Variants in KCNQ1OT1 observed in about 807,000 individuals in gnomAD.
KCNQ1OT1 encodes KCNQ1 opposite strand/antisense transcript 1, also known as KCNQ1 antisense RNA 2 (non-protein coding).
rs1850518689 is a variant in KCNQ1OT1, at chr11:2,687,924, G to C, written n.12071C>G. On this transcript the variant is annotated non_coding_transcript_exon_variant, in exon 1 of 1. Transcript: ENST00000597346. This position sits in a 1 kb window ranked among gnomAD's most constrained non-coding sequence, Gnocchi z 5.0. ...GATGGAAAATCCCCAGCAGTTGTGA[G>C]GCTGCACTTCTCCCACCCGCTGTGG... The C allele has an allele frequency of 2.5e-6, 1 of 398,684 alleles. No homozygotes were observed. Among genetic ancestry groups the C allele is most frequent in the Non-Finnish European group, 4.4e-6 (1 of 226,186 alleles). 24.7% of individuals were successfully genotyped at this position (398,684 alleles called of 1,614,324 possible).
rs1849610193 is a variant in KCNQ1OT1 at position 2,643,420 on chromosome 11, C to G, written n.56575G>C. 5 of 398,358 alleles carry G rather than the reference C, an allele frequency of 1.3e-5. No individual in the cohort carries two copies. The East Asian group carries it at 1.8e-4, about 14-fold the overall frequency. 24.7% of individuals were successfully genotyped at this position (398,358 alleles called of 1,614,324 possible). A position where few individuals can be genotyped will look rare whatever the true frequency, so the allele number is the denominator to read the frequency against. On this transcript the variant is annotated non_coding_transcript_exon_variant, in exon 1 of 1. Coordinates refer to ENST00000597346, the Ensembl canonical transcript of KCNQ1OT1. The stretch of plus-strand genomic sequence containing the variant: ...CTGTCACTATATAATGACTTCGTCT[C>G]TTTTTAGTGTTTTTAGCTTAACCTT...
exon 1 of KCNQ1OT1, chr11:2,650,014 A>G: frequency 2.5e-6 from 1 of 398,392 alleles, no homozygotes. Context: ...TGTCTGGTTT[A>G]TTGCAAAACA....
chr11:2,673,709 C>A lies in KCNQ1OT1; in HGVS notation n.26286G>T, dbSNP rs1850231494. On this transcript the variant is annotated non_coding_transcript_exon_variant, in exon 1 of 1. Transcript: ENST00000597346. This position sits in a 1 kb window ranked among gnomAD's most constrained non-coding sequence, Gnocchi z 4.5. Reference sequence around the variant, plus strand: ...TGTTTAATTCCTGAGGTTGCTGAATCTCAGGGCTTGGAAGGCCCAGACTGG... The same window carrying A: ...TGTTTAATTCCTGAGGTTGCTGAATATCAGGGCTTGGAAGGCCCAGACTGG... 1 of 398,634 alleles carries A rather than the reference C, an allele frequency of 2.5e-6. No homozygotes were observed. The allele number at this position is 398,634 out of a possible 1,614,324, so 24.7% of individuals were successfully genotyped here.
At position 2,619,085 on chromosome 11, in the gene KCNQ1OT1, C is replaced by T. The variant is rs554922423; in HGVS notation, n.80910G>A. 1.2e-3 allele frequency: 477 copies of T among 398,388 alleles called. No individual in the cohort carries two copies. Among genetic ancestry groups the T allele is most frequent in the Non-Finnish European group, 1.9e-3 (422 of 225,980 alleles). 24.7% of individuals were successfully genotyped at this position (398,388 alleles called of 1,614,324 possible). On this transcript the variant is annotated non_coding_transcript_exon_variant, in exon 1 of 1. Coordinates refer to ENST00000597346, the Ensembl canonical transcript of KCNQ1OT1. Reference sequence around the variant, plus strand: ...TAACAGGTTGCTTTGTCAGAGTCTTCGGGGTTTTCTATATGTAGGATCATG... The same window carrying T: ...TAACAGGTTGCTTTGTCAGAGTCTTTGGGGTTTTCTATATGTAGGATCATG...
exon 1 of KCNQ1OT1, chr11:2,685,435 A>G: frequency 5.0e-6 from 2 of 398,724 alleles, no homozygotes; most frequent in Non-Finnish European, 8.8e-6. Flanking sequence ...TGTCACCTGA[A>G]CGAGAAGCCC....
At position 2,645,375 on chromosome 11, in the gene KCNQ1OT1, A is replaced by G. The variant is rs1215951999; in HGVS notation, n.54620T>C. The G allele has an allele frequency of 7.5e-6, 3 of 398,662 alleles. No homozygotes were observed. The highest frequency in any genetic ancestry group is 1.3e-5 in the Non-Finnish European group (3 of 226,252). The allele number at this position is 398,662 out of a possible 1,614,324, so 24.7% of individuals were successfully genotyped here. A position where few individuals can be genotyped will look rare whatever the true frequency, so the allele number is the denominator to read the frequency against. Reference sequence around the variant, plus strand: ...TGGTATGCGCTGGCACTGGGAGAAAAGAGGGTGGGACCAGGCCAGGTGGGC... The same window carrying G: ...TGGTATGCGCTGGCACTGGGAGAAAGGAGGGTGGGACCAGGCCAGGTGGGC... On this transcript the variant is annotated non_coding_transcript_exon_variant, in exon 1 of 1. Coordinates refer to ENST00000597346, the Ensembl canonical transcript of KCNQ1OT1. The surrounding 1 kb of genome is among the most constrained non-coding windows in gnomAD (Gnocchi z 5.8).
At chr11:2,680,918 TG>T in exon 1 of KCNQ1OT1, 1 of 398,578 alleles carries the variant, frequency 2.5e-6, no homozygotes, top group East Asian at 3.6e-5. Flanking sequence ...TGACCCAATT[TG>T]GGTTTGTATT....
exon 1 of KCNQ1OT1, chr11:2,655,475 C>A: frequency 5.0e-6 from 2 of 398,682 alleles, no homozygotes; most frequent in Non-Finnish European, 8.8e-6. Flanking sequence ...TCCGGTACCT[C>A]CTGCAGAGCC....
At chr11:2,699,912 G>C in exon 1 of KCNQ1OT1, 2 of 398,406 alleles carry the variant, frequency 5.0e-6, no homozygotes, top group Non-Finnish European at 8.9e-6. Context: ...CACCCCGGCA[G>C]AATCGCGCTG....
chr11:2,625,977 C>G, exon 1 of KCNQ1OT1: 1 of 398,586 alleles, frequency 2.5e-6, no homozygotes, highest in Non-Finnish European at 4.4e-6. Context: ...AAATTTTTCT[C>G]CCATTCTGTA....
At chr11:2,681,148 G>A (rs1590028353) in exon 1 of KCNQ1OT1, 1 of 398,560 alleles carries the variant, frequency 2.5e-6, no homozygotes, top group East Asian at 3.6e-5. Context: ...TTCTTACATA[G>A]CAATTCTACT....
At position 2,664,444 on chromosome 11, in the gene KCNQ1OT1, T is replaced by G. The variant is rs1564850325; in HGVS notation, n.35551A>C. The G allele has an allele frequency of 1.8e-5, 7 of 398,528 alleles. No individual in the cohort carries two copies. Among genetic ancestry groups the G allele is most frequent in the Non-Finnish European group, 2.7e-5 (6 of 226,120 alleles). 24.7% of individuals were successfully genotyped at this position (398,528 alleles called of 1,614,324 possible). ...GTCAGGGCCTAGGAACCCAGGCTCCTCTGGGATACAGGCTGGGTAGAGGCC... is the reference window on the plus strand; with the variant it reads ...GTCAGGGCCTAGGAACCCAGGCTCCGCTGGGATACAGGCTGGGTAGAGGCC... On this transcript the variant is annotated non_coding_transcript_exon_variant, in exon 1 of 1. Coordinates refer to ENST00000597346, the Ensembl canonical transcript of KCNQ1OT1. This position sits in a 1 kb window ranked among gnomAD's most constrained non-coding sequence, Gnocchi z 5.1.
exon 1 of KCNQ1OT1, chr11:2,656,622 G>T: frequency 2.5e-6 from 1 of 398,570 alleles, no homozygotes; most frequent in Non-Finnish European, 4.4e-6. Flanking sequence ...TTTCTATTAA[G>T]TCATTTATAT....
Position 2,673,718 on chromosome 11 carries a change from T to C in KCNQ1OT1, n.26277A>G, listed in dbSNP as rs1850231757. 2.5e-6 allele frequency: 1 copy of C among 398,548 alleles called. No homozygotes were observed. Among genetic ancestry groups the C allele is most frequent in the East Asian group, 3.6e-5 (1 of 27,942 alleles). 24.7% of individuals were successfully genotyped at this position (398,548 alleles called of 1,614,324 possible). A position where few individuals can be genotyped will look rare whatever the true frequency, so the allele number is the denominator to read the frequency against. ...CCTGAGGTTGCTGAATCTCAGGGCT[T>C]GGAAGGCCCAGACTGGACAGGGGAA... On this transcript the variant is annotated non_coding_transcript_exon_variant, in exon 1 of 1. Coordinates refer to ENST00000597346, the Ensembl canonical transcript of KCNQ1OT1. The surrounding 1 kb of genome is among the most constrained non-coding windows in gnomAD (Gnocchi z 4.5).
exon 1 of KCNQ1OT1, chr11:2,662,452 A>C: frequency 2.2e-6 from 1 of 453,248 alleles, no homozygotes; most frequent in Non-Finnish European, 3.8e-6. Flanking sequence ...GGCCAAAGCC[A>C]TGGGGCAGAT....
rs550045842 is a variant in KCNQ1OT1, at chr11:2,668,273, G to A, written n.31722C>T. The A allele has an allele frequency of 7.5e-6, 3 of 398,518 alleles. No homozygotes were observed. Among genetic ancestry groups the A allele is most frequent in the Non-Finnish European group, 4.4e-6 (1 of 226,108 alleles). 24.7% of individuals were successfully genotyped at this position (398,518 alleles called of 1,614,324 possible). A position where few individuals can be genotyped will look rare whatever the true frequency, so the allele number is the denominator to read the frequency against. ...GTAGGTTGCTGTTTAAGAATATTCTGTACATGCTTTTGGTGAGCATCAGGT... is the reference window on the plus strand; with the variant it reads ...GTAGGTTGCTGTTTAAGAATATTCTATACATGCTTTTGGTGAGCATCAGGT... On this transcript the variant is annotated non_coding_transcript_exon_variant, in exon 1 of 1. Transcript: ENST00000597346. The surrounding 1 kb of genome is among the most constrained non-coding windows in gnomAD (Gnocchi z 4.3).
chr11:2,687,657 T>TA lies in KCNQ1OT1; in HGVS notation n.12337_12338insT, dbSNP rs1564858379. On this transcript the variant is annotated non_coding_transcript_exon_variant, in exon 1 of 1. Coordinates refer to ENST00000597346, the Ensembl canonical transcript of KCNQ1OT1. This position sits in a 1 kb window ranked among gnomAD's most constrained non-coding sequence, Gnocchi z 5.0. Reference sequence around the variant, plus strand: ...CCCCTGTAAAAATTGGGACCTGTCCTTGCCAGCCAGGTCTCAGGGAGCTCA... The same window carrying TA: ...CCCCTGTAAAAATTGGGACCTGTCCTATGCCAGCCAGGTCTCAGGGAGCTCA... 3 of 398,550 alleles carry TA rather than the reference T, an allele frequency of 7.5e-6. No homozygotes were observed. Among genetic ancestry groups the TA allele is most frequent in the African/African-American group, 2.1e-5 (1 of 48,616 alleles). 24.7% of individuals were successfully genotyped at this position (398,550 alleles called of 1,614,324 possible).
chr11:2,651,020 T>A lies in KCNQ1OT1; in HGVS notation n.48975A>T. 1 of 398,766 alleles carries A rather than the reference T, an allele frequency of 2.5e-6. No individual in the cohort carries two copies. The highest frequency in any genetic ancestry group is 4.4e-6 in the Non-Finnish European group (1 of 226,144). 24.7% of individuals were successfully genotyped at this position (398,766 alleles called of 1,614,324 possible). A position where few individuals can be genotyped will look rare whatever the true frequency, so the allele number is the denominator to read the frequency against. Reference sequence around the variant, plus strand: ...TGCCCACACCTAGTCTCTCCAGCTATCTCCCTGGTTAAAACCACCACCATT... The same window carrying A: ...TGCCCACACCTAGTCTCTCCAGCTAACTCCCTGGTTAAAACCACCACCATT... On this transcript the variant is annotated non_coding_transcript_exon_variant, in exon 1 of 1. Coordinates refer to ENST00000597346, the Ensembl canonical transcript of KCNQ1OT1. The surrounding 1 kb of genome is among the most constrained non-coding windows in gnomAD (Gnocchi z 6.1).
At position 2,678,906 on chromosome 11, in the gene KCNQ1OT1, A is replaced by T; in HGVS notation, n.21089T>A. On this transcript the variant is annotated non_coding_transcript_exon_variant, in exon 1 of 1. Transcript: ENST00000597346. The surrounding 1 kb of genome is among the most constrained non-coding windows in gnomAD (Gnocchi z 4.9). ...AAGGACCATTTCGTATACATGTATG[A>T]TCATACTTTCAGGGCATCTTGGAAA... 1 of 398,628 alleles carries T rather than the reference A, an allele frequency of 2.5e-6. No homozygotes were observed. Among genetic ancestry groups the T allele is most frequent in the South Asian group, 1.3e-4 (1 of 7,854 alleles). The allele number at this position is 398,628 out of a possible 1,614,324, so 24.7% of individuals were successfully genotyped here.
Sources: gnomAD v4.1 joint callset for allele counts on GRCh38, gnomAD v4.1.1 for gene constraint, Gnocchi (gnomAD v3.1) non-coding constraint, MANE v1.5 for transcripts, NCBI Gene and HGNC (gene_info 2026-07-23, HGNC 2026-07-21) for gene names.